ULK4: variants seen among roughly 807,000 people sequenced by gnomAD.
ULK4 encodes the protein unc-51 like kinase 4.
In ULK4, 133 loss-of-function variants were observed where a neutral mutation model predicts 160.6. The ratio of observed to expected loss-of-function variants is 0.83; its 90% confidence interval spans 0.72 to 0.96. The LOEUF (loss-of-function observed/expected upper bound fraction) is 0.96. Among genes scored for constraint, ULK4 ranks in the 40% least tolerant of loss-of-function variants. ULK4 has a pLI of 0.00. For synonymous variants in ULK4, 534 were observed against 539.8 expected (o/e 0.99, Z 0.15); for missense variants, 1,580 against 1,499.5 (o/e 1.05, Z -0.89).
intron 32 of ULK4, among the ~76,000 whole-genome samples, chr3:41,544,493 C>T (rs1220143357): frequency 1.3e-5 from 2 of 152,148 alleles, no homozygotes; most frequent in Non-Finnish European, 2.9e-5. Context: ...ATGTATAGCC[C>T]TATGCATGCA....
intron 34 of ULK4, among the ~76,000 whole-genome samples, chr3:41,450,920 A>G (rs2083411293): frequency 6.6e-6 from 1 of 152,238 alleles, no homozygotes; most frequent in African/African-American, 2.4e-5. Flanking sequence ...CATCATGCAT[A>G]CATCTAGCCA....
In ULK4 at chr3:41,876,738, A is replaced by C. The variant is rs530107415; in HGVS notation, c.1656+7136T>G. On this transcript the variant is annotated intron_variant, in intron 17 of 36. Transcript: ENST00000301831. ...GATGAATTCCATAAACATAATATGAAATAAAAGAAGCCAGATACCAAAGTA... is the reference window on the plus strand; with the variant it reads ...GATGAATTCCATAAACATAATATGACATAAAAGAAGCCAGATACCAAAGTA... Among the ~76,000 whole-genome samples, 13 of 152,360 alleles carry C rather than the reference A, an allele frequency of 8.5e-5. No individual in the cohort carries two copies. The South Asian group carries it at 2.3e-3, about 27-fold the overall frequency.
chr3:41,342,654 TCCTC>T (rs1273714864), intron 35 of ULK4, among the ~76,000 whole-genome samples: 2 of 152,118 alleles, frequency 1.3e-5, no homozygotes, highest in African/African-American at 4.8e-5. Context: ...AAGGACAGAC[TCCTC>T]CCTAACTCAT....
chr3:41,366,342 G>A (rs533187253), intron 35 of ULK4, among the ~76,000 whole-genome samples: 33 of 152,262 alleles, frequency 2.2e-4, no homozygotes, highest in African/African-American at 7.7e-4. Context: ...GGGAAAGTAG[G>A]TAAGATGGTC....
Position 41,380,420 on chromosome 3 carries a change from G to GC in ULK4, c.3678+17658_3678+17659insG, listed in dbSNP as rs140437842. On this transcript the variant is annotated intron_variant, in intron 35 of 36. Transcript: ENST00000301831. ...CACTGATAAAGCCCCAAGTGATGGA[G>GC]AAAAAGGTCCATCTACAGGCCTTCT... Among the ~76,000 whole-genome samples, 1,127 of 152,258 alleles carry GC rather than the reference G, an allele frequency of 7.4e-3. 4 individuals carry two copies. Among genetic ancestry groups the GC allele is most frequent in the African/African-American group, 0.017 (724 of 41,542 alleles).
intron 34 of ULK4, among the ~76,000 whole-genome samples, chr3:41,412,930 G>T (rs926412721): frequency 6.6e-6 from 1 of 152,138 alleles, no homozygotes; most frequent in Non-Finnish European, 1.5e-5. Context: ...CTTGCATCAT[G>T]TAACAAAATA....
chr3:41,250,701 T>G (rs1227750812), intron 35 of ULK4, among the ~76,000 whole-genome samples: 1 of 152,228 alleles, frequency 6.6e-6, no homozygotes. Flanking sequence ...TATATATGAA[T>G]GCATTCGCAC....
At chr3:41,898,590 C>A in intron 13 of ULK4, 98 bp from the exon 14 acceptor site, 1 of 712,876 alleles carries the variant, frequency 1.4e-6, no homozygotes, top group South Asian at 2.4e-5. Flanking sequence ...TCAATGAGGA[C>A]AAAAAAAGAA....
At chr3:41,370,444 A>G (rs1246374179) in intron 35 of ULK4, among the ~76,000 whole-genome samples, 1 of 152,120 alleles carries the variant, frequency 6.6e-6, no homozygotes, top group East Asian at 1.9e-4. Flanking sequence ...TTTCCAACTG[A>G]GGTACTCAGC....
intron 35 of ULK4, among the ~76,000 whole-genome samples, chr3:41,388,926 C>T (rs1409852758): frequency 6.6e-6 from 1 of 152,008 alleles, no homozygotes; most frequent in Non-Finnish European, 1.5e-5. Context: ...TCATTGGTAG[C>T]TTGATGGGGA....
Position 41,451,372 on chromosome 3 carries a change from A to T in ULK4, c.3492+4125T>A, listed in dbSNP as rs542023725. Among the ~76,000 whole-genome samples the T allele has an allele frequency of 9.2e-5, 14 of 151,906 alleles. 1 individual carries two copies. The South Asian group carries it at 2.9e-3, about 32-fold the overall frequency. ...ATTGGAGGTTGGCTGGGTGAGAGAG[A>T]CAAAAGAAGCACTTTATGAGGGCAG... On this transcript the variant is annotated intron_variant, in intron 34 of 36. Coordinates refer to ENST00000301831, the MANE Select transcript of ULK4 (RefSeq NM_017886.4).
intron 4 of ULK4, among the ~76,000 whole-genome samples, chr3:41,934,429 GAAAAAGT>G (rs1699695595): frequency 6.6e-6 from 1 of 152,116 alleles, no homozygotes; most frequent in Non-Finnish European, 1.5e-5. Flanking sequence ...ACATATTAAA[GAAAAAGT>G]AAAAACTCAG....
chr3:41,644,406 T>C (rs79477350), intron 30 of ULK4, among the ~76,000 whole-genome samples: 6,050 of 151,342 alleles, frequency 0.04, 192 homozygotes, highest in Non-Finnish European at 0.062. Context: ...GCATGAAGGG[T>C]TGTTGAATTT....
intron 19 of ULK4, among the ~76,000 whole-genome samples, chr3:41,812,219 A>C (rs2040838613): frequency 6.6e-6 from 1 of 152,224 alleles, no homozygotes; most frequent in South Asian, 2.1e-4. Flanking sequence ...CAGGAGGTCG[A>C]GGCTGCAGTG....
At chr3:41,809,178 AAAAAAAAAAC>A (rs1439445874) in intron 19 of ULK4, among the ~76,000 whole-genome samples, 1,903 of 103,128 alleles carry the variant, frequency 0.018, 33 homozygotes, top group Non-Finnish European at 0.03. Flanking sequence ...AAAAAAAACA[AAAAAAAAAAC>A]AAAAAAAAAC....
At chr3:41,421,985 T>C (rs1469222457) in intron 34 of ULK4, among the ~76,000 whole-genome samples, 1 of 152,162 alleles carries the variant, frequency 6.6e-6, no homozygotes, top group African/African-American at 2.4e-5. Context: ...TTTTTTTCTT[T>C]TGATAAGAAC....
chr3:41,344,571 G>A (rs981845839), intron 35 of ULK4, among the ~76,000 whole-genome samples: 2 of 151,930 alleles, frequency 1.3e-5, no homozygotes, highest in African/African-American at 4.8e-5. Context: ...GGCCAAAATG[G>A]TGAAACTGTG....
At chr3:41,705,684 T>C (rs1364725852) in intron 25 of ULK4, among the ~76,000 whole-genome samples, 2 of 152,084 alleles carry the variant, frequency 1.3e-5, no homozygotes, top group Admixed American at 6.6e-5. Flanking sequence ...TTAGTAGAGA[T>C]GGGGTTTCTC....
intron 31 of ULK4, among the ~76,000 whole-genome samples, chr3:41,566,767 C>A (rs2087796430): frequency 6.6e-6 from 1 of 152,172 alleles, no homozygotes; most frequent in Non-Finnish European, 1.5e-5. Flanking sequence ...TTACAAACAA[C>A]TTGCTTTTCT....
Sources: gnomAD v4.1 joint callset for allele counts (sites outside exome capture counted in the v4.1 genomes callset) on GRCh38, gnomAD v4.1.1 for gene constraint, MANE v1.5 for transcripts, NCBI Gene and HGNC (gene_info 2026-07-23, HGNC 2026-07-21) for gene names.